Variants in GFOD1 observed in about 807,000 individuals in gnomAD.
GFOD1 encodes glucose-fructose oxidoreductase domain-containing protein 1.
In GFOD1, 9 loss-of-function variants were observed where a neutral mutation model predicts 25.4. The observed-to-expected ratio is 0.35, with a 90% CI of 0.21 to 0.62. The LOEUF is 0.62. Ranked by LOEUF, GFOD1 falls within the 20% of genes least tolerant of loss-of-function variation. GFOD1 has a pLI of 0.72. For missense variants in GFOD1, 403 were observed against 556.9 expected, an observed-to-expected ratio of 0.72 and a Z score of 2.78; for synonymous variants, 253 against 245.6, an observed-to-expected ratio of 1.03 and a Z score of -0.28.
chr6:13,365,406 G>A lies in GFOD1; in HGVS notation c.510C>T (p.Gly170=), dbSNP rs1375716434. ...YNWSCDDLMG[G]GGLHSVGTYI... ...AGGTGCCCACGGAGTGCAGGCCGCC[G>A]CCGCCCATCAAGTCGTCGCAGCTCC... The change falls in exon 2 of 2, where the codon GGC becomes GGT. Residue 170 remains glycine, a synonymous_variant. Coordinates refer to ENST00000379287, the MANE Select transcript of GFOD1 (RefSeq NM_018988.4). The surrounding 1 kb of genome is among the most constrained non-coding windows in gnomAD (Gnocchi z 9.2). 5.6e-6 allele frequency: 9 copies of A among 1,613,842 alleles called. No individual in the cohort carries two copies. Among genetic ancestry groups the A allele is most frequent in the South Asian group, 1.1e-5 (1 of 91,072 alleles).
chr6:13,392,150 C>T (rs1196855042), intron 1 of GFOD1, among the ~76,000 whole-genome samples: 2 of 151,890 alleles, frequency 1.3e-5, no homozygotes, highest in African/African-American at 2.4e-5. Context: ...TCCCTTGGCC[C>T]AGCAGTTCGA....
At chr6:13,448,511 G>A (rs550917153) in intron 1 of GFOD1, among the ~76,000 whole-genome samples, 1 of 152,294 alleles carries the variant, frequency 6.6e-6, no homozygotes, top group South Asian at 2.1e-4. Context: ...TCAAGGAAAG[G>A]GTAAGCCTCA....
At chr6:13,436,456 T>C (rs1288829585) in intron 1 of GFOD1, among the ~76,000 whole-genome samples, 2 of 152,252 alleles carry the variant, frequency 1.3e-5, no homozygotes, top group African/African-American at 4.8e-5. Context: ...GCATTCAATT[T>C]CACATATTAA....
intron 1 of GFOD1, among the ~76,000 whole-genome samples, chr6:13,404,043 A>G (rs1175965890): frequency 6.6e-6 from 1 of 152,238 alleles, no homozygotes; most frequent in African/African-American, 2.4e-5. Context: ...GAATGTTTAT[A>G]TATTTTTAAA....
intron 1 of GFOD1, among the ~76,000 whole-genome samples, chr6:13,397,364 C>G (rs60980292): frequency 0.042 from 6,436 of 152,320 alleles, 349 homozygotes; most frequent in African/African-American, 0.13. Flanking sequence ...AAGCCACCCT[C>G]GAAATGAAAA....
At chr6:13,470,453 C>T in intron 1 of GFOD1, 5 of 1,550,284 alleles carry the variant, frequency 3.2e-6, no homozygotes, top group Non-Finnish European at 4.4e-6. Context: ...AGGCTGCATC[C>T]CTAAGGGCTT....
At chr6:13,437,739 T>G (rs975016383) in intron 1 of GFOD1, among the ~76,000 whole-genome samples, 4 of 152,184 alleles carry the variant, frequency 2.6e-5, no homozygotes, top group African/African-American at 9.7e-5. Context: ...GCCAAAATAC[T>G]GATCATGACC....
At chr6:13,390,179 A>G (rs1308080930) in intron 1 of GFOD1, among the ~76,000 whole-genome samples, 1 of 152,194 alleles carries the variant, frequency 6.6e-6, no homozygotes, top group Non-Finnish European at 1.5e-5. Flanking sequence ...GACATCTGGA[A>G]TTCTTAGGCA....
chr6:13,469,172 C>A, intron 1 of GFOD1: 1 of 873,122 alleles, frequency 1.1e-6, no homozygotes, highest in Non-Finnish European at 1.4e-6. Context: ...AGTAAAGAGG[C>A]CACTGGTCAC....
intron 1 of GFOD1, among the ~76,000 whole-genome samples, chr6:13,479,395 T>A (rs1414384971): frequency 1.3e-5 from 2 of 152,198 alleles, no homozygotes; most frequent in South Asian, 4.1e-4. Context: ...GAAGGATGAT[T>A]ATGACTCCCA....
chr6:13,423,800 C>A (rs1786301520), intron 1 of GFOD1, among the ~76,000 whole-genome samples: 1 of 152,198 alleles, frequency 6.6e-6, no homozygotes, highest in South Asian at 2.1e-4. Flanking sequence ...TTTTGATCTA[C>A]CTCCCGCCCG....
intron 1 of GFOD1, among the ~76,000 whole-genome samples, chr6:13,366,387 G>T (rs1785048067): frequency 6.6e-6 from 1 of 152,098 alleles, no homozygotes; most frequent in Admixed American, 6.5e-5. Context: ...CCAGGCTGGA[G>T]TGCAATGGCA....
chr6:13,391,483 G>A (rs1288427528), intron 1 of GFOD1, among the ~76,000 whole-genome samples: 2 of 132,892 alleles, frequency 1.5e-5, no homozygotes, highest in East Asian at 4.3e-4. Context: ...GGGCGACAGA[G>A]CGAGACTCCA....
At chr6:13,410,650 G>A (rs1440657058) in intron 1 of GFOD1, among the ~76,000 whole-genome samples, 4 of 151,580 alleles carry the variant, frequency 2.6e-5, no homozygotes, top group Non-Finnish European at 5.9e-5. Context: ...AAGGAGGAAA[G>A]GAAGAGAGGA....
intron 1 of GFOD1, among the ~76,000 whole-genome samples, chr6:13,465,053 T>C (rs1758355576): frequency 6.6e-6 from 1 of 152,228 alleles, no homozygotes; most frequent in South Asian, 2.1e-4. Flanking sequence ...TCTTCTGTGC[T>C]CATTCTCATA....
intron 1 of GFOD1, among the ~76,000 whole-genome samples, chr6:13,443,238 T>A (rs1194416583): frequency 6.6e-6 from 1 of 152,202 alleles, no homozygotes; most frequent in Non-Finnish European, 1.5e-5. Flanking sequence ...CTTGAATGGA[T>A]GAGAAGCTGC....
At chr6:13,450,350 G>A (rs769921103) in intron 1 of GFOD1, among the ~76,000 whole-genome samples, 8 of 152,190 alleles carry the variant, frequency 5.3e-5, no homozygotes, top group Non-Finnish European at 1.0e-4. Flanking sequence ...CTTCACTTGC[G>A]CTTAGTCACT....
chr6:13,401,647 A>T lies in GFOD1; in HGVS notation c.254-35985T>A, dbSNP rs1785846618. On this transcript the variant is annotated intron_variant, in intron 1 of 1. Coordinates refer to ENST00000379287, the MANE Select transcript of GFOD1 (RefSeq NM_018988.4). The stretch of plus-strand genomic sequence containing the variant: ...GTACAAAATATGTACTATGAAAATT[A>T]AAAAATCTATTTGAAAAAAATCAAA... Among the ~76,000 whole-genome samples, 7 of 152,358 alleles carry T rather than the reference A, an allele frequency of 4.6e-5. No individual in the cohort carries two copies. In the South Asian group the frequency reaches 8.3e-4, roughly 18 times the overall value.
chr6:13,452,554 C>A (rs1039335425), intron 1 of GFOD1, among the ~76,000 whole-genome samples: 5 of 152,178 alleles, frequency 3.3e-5, no homozygotes, highest in Non-Finnish European at 7.4e-5. Context: ...ACAGGGGGCG[C>A]CTTCTCGCTG....
Sources: allele counts gnomAD v4.1 joint callset (sites outside exome capture counted in the v4.1 genomes callset), GRCh38; gene constraint gnomAD v4.1.1; non-coding constraint Gnocchi (gnomAD v3.1); transcripts MANE v1.5; gene names NCBI Gene and HGNC (gene_info 2026-07-23, HGNC 2026-07-21).